The following ARMH3 variants were observed in gnomAD, a reference collection of about 807,000 sequenced individuals.
ARMH3 encodes the protein armadillo-like helical domain-containing protein 3.
A neutral mutation model predicts 99.1 loss-of-function variants in ARMH3; 60 were observed. That is an observed-to-expected ratio of 0.61 (90% CI 0.49 to 0.75). The LOEUF is 0.75. Ranked by LOEUF, ARMH3 falls within the 30% of genes least tolerant of loss-of-function variation. ARMH3 has a pLI of 0.00. For synonymous variants in ARMH3, 285 were observed against 292.8 expected (o/e 0.97, Z 0.27); for missense variants, 679 against 843.1 (o/e 0.81, Z 2.41).
intron 20 of ARMH3, among the ~76,000 whole-genome samples, chr10:101,958,285 A>G (rs1313765499): frequency 3.3e-5 from 5 of 152,204 alleles, no homozygotes; most frequent in Non-Finnish European, 5.9e-5. Flanking sequence ...CTAACTATTC[A>G]AACAAAGTGA....
intron 5 of ARMH3, among the ~76,000 whole-genome samples, chr10:102,027,531 T>C (rs2067027758): frequency 6.6e-6 from 1 of 151,978 alleles, no homozygotes; most frequent in African/African-American, 2.4e-5. Context: ...GGAGAAACAG[T>C]GAGCTCCATT....
chr10:102,006,367 G>A (rs567661568), intron 14 of ARMH3, among the ~76,000 whole-genome samples, 173 bp downstream of exon 14: 1 of 152,240 alleles, frequency 6.6e-6, no homozygotes, highest in Non-Finnish European at 1.5e-5. Flanking sequence ...TCACTGGACT[G>A]TCTTTTTCCA....
chr10:102,055,396 G>C (rs2067820369), intron 1 of ARMH3, among the ~76,000 whole-genome samples: 1 of 152,156 alleles, frequency 6.6e-6, no homozygotes, highest in East Asian at 1.9e-4. Context: ...ACATACATTT[G>C]GGTATGGCCC....
At chr10:101,918,592 A>G (rs1843179801) in intron 23 of ARMH3, among the ~76,000 whole-genome samples, 1 of 152,212 alleles carries the variant, frequency 6.6e-6, no homozygotes, top group African/African-American at 2.4e-5. Flanking sequence ...AAACTAGAGA[A>G]CAGAATAAAA....
At chr10:102,010,093 C>T (rs2066598568) in intron 11 of ARMH3, 70 bp from the exon 12 acceptor site, 1 of 1,455,616 alleles carries the variant, frequency 6.9e-7, no homozygotes, top group East Asian at 2.3e-5. Context: ...CCTAGGAAGC[C>T]TTTTATCAGT....
intron 23 of ARMH3, among the ~76,000 whole-genome samples, chr10:101,924,881 C>A (rs192924800): frequency 2.6e-5 from 4 of 152,038 alleles, no homozygotes; most frequent in Admixed American, 6.6e-5. Flanking sequence ...GTAGTCCCAG[C>A]TACTTGGGAG....
At chr10:102,049,050 C>T (rs1165564821) in intron 1 of ARMH3, among the ~76,000 whole-genome samples, 1 of 150,374 alleles carries the variant, frequency 6.7e-6, no homozygotes, top group African/African-American at 2.4e-5. Context: ...TTCTTCTTTT[C>T]TAAAAGCCCC....
chr10:101,990,048 A>G (rs1464600181), intron 19 of ARMH3, among the ~76,000 whole-genome samples: 1 of 152,226 alleles, frequency 6.6e-6, no homozygotes, highest in Non-Finnish European at 1.5e-5. Context: ...GGATATGTGC[A>G]GAATCCACAT....
intron 11 of ARMH3, among the ~76,000 whole-genome samples, chr10:102,010,264 C>CT: frequency 6.6e-6 from 1 of 152,314 alleles, no homozygotes; most frequent in East Asian, 1.9e-4. Flanking sequence ...ATCATCTTGC[C>CT]TACTAAATCA....
chr10:101,944,421 A>T (rs1295005447), intron 22 of ARMH3, among the ~76,000 whole-genome samples: 3 of 151,464 alleles, frequency 2.0e-5, no homozygotes, highest in Non-Finnish European at 4.4e-5. Flanking sequence ...AAATGTACAG[A>T]TTCAAAAAGT....
At chr10:102,033,439 A>G in intron 2 of ARMH3, 100 bp from the exon 3 acceptor site, 4 of 1,168,984 alleles carry the variant, frequency 3.4e-6, no homozygotes, top group Non-Finnish European at 4.8e-6. Flanking sequence ...TTTTTTTTTG[A>G]GATGGAATCT....
intron 23 of ARMH3, 27 bp from the exon 24 acceptor site, chr10:101,889,517 G>A (rs761013585): frequency 2.7e-5 from 42 of 1,574,918 alleles, no homozygotes; most frequent in Admixed American, 5.0e-5. Flanking sequence ...GTATTAATAT[G>A]GTGCCAGATA....
chr10:102,009,946 A>G (rs1259039538), intron 12 of ARMH3, 31 bp downstream of exon 12: 14 of 1,605,976 alleles, frequency 8.7e-6, no homozygotes, highest in Admixed American at 3.3e-5. Flanking sequence ...ACTAAAGTCC[A>G]AGTCACTGCA....
At position 101,985,194 on chromosome 10, in the gene ARMH3, G is replaced by GTA. The variant is rs139974452; in HGVS notation, c.1406+5355_1406+5356dup. On this transcript the variant is annotated intron_variant, in intron 19 of 25. Transcript: ENST00000370033. ...TACACATATATGAATATATATGTGT[G>GTA]TATATATATACGTATATATGTATAT... is the stretch of plus-strand genomic sequence containing the variant. 7.1e-4 allele frequency among the ~76,000 whole-genome samples: 102 copies of GTA among 144,058 alleles called. 1 individual carries two copies. The East Asian group carries it at 0.012, about 17-fold the overall frequency. The allele number at this position is 144,058 out of a possible 152,430, so 94.5% of individuals were successfully genotyped here. A position where few individuals can be genotyped will look rare whatever the true frequency, so the allele number is the denominator to read the frequency against.
chr10:101,933,592 C>T (rs955186948), intron 23 of ARMH3, among the ~76,000 whole-genome samples: 8 of 152,256 alleles, frequency 5.3e-5, no homozygotes, highest in Non-Finnish European at 1.2e-4. Context: ...ATGTAATGCT[C>T]CCAGTCATTG....
rs1425434615 is a variant in ARMH3 at position 101,992,043 on chromosome 10, A to G, written c.1276-5T>C. Reference sequence around the variant, plus strand: ...CTTCTTCCTGTGTCTCATAGGCTTCACACCAAAAAAATGAAGAAAGGAAAT... The same window carrying G: ...CTTCTTCCTGTGTCTCATAGGCTTCGCACCAAAAAAATGAAGAAAGGAAAT... On this transcript the variant is annotated splice_polypyrimidine_tract_variant and splice_region_variant and intron_variant, in intron 17 of 25. Coordinates refer to ENST00000370033, the MANE Select transcript of ARMH3 (RefSeq NM_024541.3). 1 of 1,613,868 alleles carries G rather than the reference A, an allele frequency of 6.2e-7. No homozygotes were observed. Among genetic ancestry groups the G allele is most frequent in the African/African-American group, 1.3e-5 (1 of 75,028 alleles).
intron 24 of ARMH3, among the ~76,000 whole-genome samples, chr10:101,855,950 C>A (rs566148757): frequency 6.6e-6 from 1 of 152,086 alleles, no homozygotes; most frequent in African/African-American, 2.4e-5. Context: ...CAGTGCTCTT[C>A]CTAGTGCTCA....
intron 22 of ARMH3, among the ~76,000 whole-genome samples, chr10:101,945,649 C>T (rs981655038): frequency 6.6e-6 from 1 of 151,628 alleles, no homozygotes; most frequent in Admixed American, 6.6e-5. Context: ...ACACAGGAGG[C>T]AGAGGTTGCA....
chr10:102,007,684 T>G (rs79040440), intron 13 of ARMH3, among the ~76,000 whole-genome samples: 7 of 112,184 alleles, frequency 6.2e-5, no homozygotes, highest in Admixed American at 6.0e-4. Flanking sequence ...AAAAAAAAAA[T>G]TAGCCAGGTG....
Sources: gnomAD v4.1 joint callset for allele counts (sites outside exome capture counted in the v4.1 genomes callset) on GRCh38, gnomAD v4.1.1 for gene constraint, MANE v1.5 for transcripts, NCBI Gene and HGNC (gene_info 2026-07-23, HGNC 2026-07-21) for gene names.